Variants in FRMPD2 observed in about 807,000 individuals in gnomAD.
FRMPD2 encodes FERM and PDZ domain-containing protein 2.
FRMPD2 carries 96 observed loss-of-function variants against 140.1 expected under a neutral mutation model. The ratio of observed to expected loss-of-function variants is 0.69; its 90% CI spans 0.58 to 0.81. The LOEUF (loss-of-function observed/expected upper bound fraction) is 0.81. Among genes scored for constraint, FRMPD2 ranks in the 40% least tolerant of loss-of-function variants. FRMPD2 has a pLI of 0.00. For missense variants in FRMPD2, 1,240 were observed against 1,447.4 expected (o/e 0.86, Z 2.32); for synonymous variants, 449 against 547.6 (o/e 0.82, Z 2.52).
intron 12 of FRMPD2, among the ~76,000 whole-genome samples, chr10:48,220,714 C>G (rs1257384335): frequency 6.6e-6 from 1 of 152,066 alleles, no homozygotes; most frequent in Non-Finnish European, 1.5e-5. Flanking sequence ...ATATCCAGAA[C>G]CTACAAAGAA....
chr10:48,212,696 C>A (rs1221534130), intron 12 of FRMPD2, among the ~76,000 whole-genome samples: 1 of 152,110 alleles, frequency 6.6e-6, no homozygotes, highest in Admixed American at 6.5e-5. Flanking sequence ...CAAGGAGTAG[C>A]CCCCTGGAAA....
At chr10:48,264,973 G>A (rs1290828253) in intron 1 of FRMPD2, among the ~76,000 whole-genome samples, 20 of 152,116 alleles carry the variant, frequency 1.3e-4, no homozygotes, top group Admixed American at 1.3e-3. Context: ...ACACTACTGG[G>A]CTACAGTAAC....
chr10:48,238,901 G>A lies in FRMPD2; in HGVS notation c.788+704C>T, dbSNP rs140518017. Reference sequence around the variant, plus strand: ...TCCTTGAAATGGGGCTGGCCTTTAGGCCTGATATGGCCAACAGAATGAAGT... The same window carrying A: ...TCCTTGAAATGGGGCTGGCCTTTAGACCTGATATGGCCAACAGAATGAAGT... On this transcript the variant is annotated intron_variant, in intron 7 of 28. Coordinates refer to ENST00000374201, the MANE Select transcript of FRMPD2 (RefSeq NM_001018071.4). Among the ~76,000 whole-genome samples, 31 of 152,322 alleles carry A rather than the reference G, an allele frequency of 2.0e-4. No individual in the cohort carries two copies. The East Asian group carries it at 5.4e-3, about 27-fold the overall frequency.
intron 18 of FRMPD2, among the ~76,000 whole-genome samples, 164 bp from the exon 19 acceptor site, chr10:48,185,045 A>G (rs965012018): frequency 9.9e-5 from 15 of 152,238 alleles, no homozygotes; most frequent in African/African-American, 3.6e-4. Flanking sequence ...CTACTTTACC[A>G]TGATACTTGG....
chr10:48,156,831 A>G lies in FRMPD2; in HGVS notation c.*491T>C, dbSNP rs537723858. On this transcript the variant is annotated 3_prime_UTR_variant, in exon 29 of 29. Transcript: ENST00000374201. ...CAGTTTTCTCATTTGACAAAACTAG[A>G]TGGTCAAGAAGCGTCTAGGATTATT... 2 of 212,962 alleles carry G rather than the reference A, an allele frequency of 9.4e-6. No homozygotes were observed. The highest frequency in any genetic ancestry group is 2.6e-4 in the East Asian group (2 of 7,630). The allele number at this position is 212,962 out of a possible 1,614,324, so 13.2% of individuals were successfully genotyped here.
intron 1 of FRMPD2, among the ~76,000 whole-genome samples, chr10:48,256,791 T>C (rs1422795264): frequency 6.6e-6 from 1 of 152,190 alleles, no homozygotes; most frequent in African/African-American, 2.4e-5. Flanking sequence ...GGAACACTCC[T>C]TGTTTCTCCA....
At chr10:48,223,910 G>A (rs1839666831) in intron 10 of FRMPD2, among the ~76,000 whole-genome samples, 1 of 152,156 alleles carries the variant, frequency 6.6e-6, no homozygotes. Context: ...CCAGAAAGAG[G>A]ACCCCACCAG....
chr10:48,223,076 A>G (rs775689808), intron 11 of FRMPD2, 47 bp downstream of exon 11: 11 of 1,556,568 alleles, frequency 7.1e-6, no homozygotes, highest in African/African-American at 5.4e-5. Flanking sequence ...CAGCCTGGAC[A>G]TACATAAATC....
chr10:48,176,374 A>G (rs1348583857), intron 22 of FRMPD2: 1 of 156,764 alleles, frequency 6.4e-6, no homozygotes, highest in Non-Finnish European at 1.4e-5. Context: ...TTGCATCCCT[A>G]TGTGAATATG....
chr10:48,181,507 T>C (rs1446338495), intron 20 of FRMPD2, among the ~76,000 whole-genome samples: 1 of 152,116 alleles, frequency 6.6e-6, no homozygotes, highest in African/African-American at 2.4e-5. Context: ...GCAGCCACCA[T>C]GTGATCCAAA....
chr10:48,220,781 C>T (rs944989417), intron 12 of FRMPD2, among the ~76,000 whole-genome samples: 1 of 152,114 alleles, frequency 6.6e-6, no homozygotes, highest in African/African-American at 2.4e-5. Context: ...AGACTAAGGA[C>T]ATGAATAGAC....
intron 10 of FRMPD2, among the ~76,000 whole-genome samples, chr10:48,228,149 T>C (rs1215019702): frequency 6.6e-6 from 1 of 152,140 alleles, no homozygotes; most frequent in Non-Finnish European, 1.5e-5. Context: ...CTTGCCTGAT[T>C]TACTAACAAT....
At chr10:48,200,296 C>T (rs867570418) in intron 15 of FRMPD2, among the ~76,000 whole-genome samples, 3 of 152,164 alleles carry the variant, frequency 2.0e-5, no homozygotes, top group Non-Finnish European at 4.4e-5. Flanking sequence ...ACTTGCAGAG[C>T]TCACCTGAAC....
chr10:48,201,996 C>G (rs1012377522), intron 14 of FRMPD2, among the ~76,000 whole-genome samples: 1 of 151,440 alleles, frequency 6.6e-6, no homozygotes, highest in Non-Finnish European at 1.5e-5. Context: ...CACAAAGAAA[C>G]GCTTCCCCAC....
intron 1 of FRMPD2, among the ~76,000 whole-genome samples, chr10:48,270,602 G>A (rs1840750666): frequency 1.3e-5 from 2 of 152,188 alleles, no homozygotes; most frequent in South Asian, 4.2e-4. Context: ...CCACAGCCAT[G>A]TCTTAAGCTC....
intron 14 of FRMPD2, among the ~76,000 whole-genome samples, chr10:48,202,150 A>G (rs1330863710): frequency 6.6e-6 from 1 of 152,224 alleles, no homozygotes; most frequent in Non-Finnish European, 1.5e-5. Context: ...TATTCTGATA[A>G]GAACAATAAA....
At chr10:48,197,389 T>G (rs553961833) in intron 15 of FRMPD2, among the ~76,000 whole-genome samples, 5 of 152,152 alleles carry the variant, frequency 3.3e-5, no homozygotes, top group Admixed American at 1.3e-4. Context: ...ACGGTCTGTG[T>G]GCTCCAATGA....
At chr10:48,270,891 C>T (rs373015119) in intron 1 of FRMPD2, among the ~76,000 whole-genome samples, 10 of 152,136 alleles carry the variant, frequency 6.6e-5, no homozygotes, top group African/African-American at 1.9e-4. Context: ...CCACCACTGA[C>T]CTGGTCTAAG....
At chr10:48,261,979 C>A (rs1207281539) in intron 1 of FRMPD2, among the ~76,000 whole-genome samples, 1 of 151,728 alleles carries the variant, frequency 6.6e-6, no homozygotes, top group African/African-American at 2.4e-5. Flanking sequence ...ACTTACATGC[C>A]AAAATAATAT....
Sources: gnomAD v4.1 joint callset for allele counts (sites outside exome capture counted in the v4.1 genomes callset) on GRCh38, gnomAD v4.1.1 for gene constraint, MANE v1.5 for transcripts, NCBI Gene and HGNC (gene_info 2026-07-23, HGNC 2026-07-21) for gene names.